Variants in FARS2 observed in about 807,000 individuals in gnomAD.
The protein encoded by FARS2 is phenylalanyl-tRNA synthetase 2, mitochondrial, also known as phenylalanine--tRNA ligase, mitochondrial.
FARS2 carries 40 observed loss-of-function variants against 46.4 expected under a neutral mutation model. That is an observed-to-expected ratio of 0.86 (90% CI 0.67 to 1.12). The LOEUF (loss-of-function observed/expected upper bound fraction) is 1.12. Ranked by LOEUF, FARS2 falls within the 50% of genes most tolerant of loss-of-function variation. The pLI is 0.00. For missense variants in FARS2, 513 were observed against 567.9 expected, an observed-to-expected ratio of 0.90 and a Z score of 0.98; for synonymous variants, 234 against 214.9, an observed-to-expected ratio of 1.09 and a Z score of -0.78.
chr6:5,620,024 A>C (rs1266308571), intron 6 of FARS2, among the ~76,000 whole-genome samples: 1 of 151,974 alleles, frequency 6.6e-6, no homozygotes, highest in African/African-American at 2.4e-5. Context: ...CGGCCCTTAC[A>C]TAGAGAAGTT....
intron 6 of FARS2, among the ~76,000 whole-genome samples, chr6:5,654,699 T>C (rs1252667639): frequency 6.6e-6 from 1 of 152,036 alleles, no homozygotes; most frequent in Non-Finnish European, 1.5e-5. Flanking sequence ...GGTGGGAGGT[T>C]TCAGTATCTA....
At chr6:5,481,282 A>T (rs1482667818) in intron 4 of FARS2, among the ~76,000 whole-genome samples, 2 of 152,206 alleles carry the variant, frequency 1.3e-5, no homozygotes, top group African/African-American at 2.4e-5. Flanking sequence ...ACGTGTTAAT[A>T]GGCAGGGAAG....
chr6:5,464,991 C>T (rs1317062598), intron 4 of FARS2, among the ~76,000 whole-genome samples: 1 of 152,148 alleles, frequency 6.6e-6, no homozygotes, highest in East Asian at 1.9e-4. Context: ...AAGGAAGACC[C>T]TCTAGCTGGT....
At chr6:5,537,466 C>CCCGGGCCTCCTCTAGAGT (rs1554106448) in intron 4 of FARS2, among the ~76,000 whole-genome samples, 1 of 120,866 alleles carries the variant, frequency 8.3e-6, no homozygotes. Flanking sequence ...TCCTCTCGAG[C>CCCGGGCCTCCTCTAGAGT]TGGAGATGTC....
chr6:5,513,524 G>A lies in FARS2; in HGVS notation c.905-31656G>A, dbSNP rs942713878. 1.3e-5 allele frequency among the ~76,000 whole-genome samples: 2 copies of A among 152,194 alleles called. 1 individual carries two copies. The highest frequency in any genetic ancestry group is 2.9e-5 in the Non-Finnish European group (2 of 68,038). On this transcript the variant is annotated intron_variant, in intron 4 of 6. Transcript: ENST00000274680. ...GCAATCAGGGAAAATAGAGAAGTTT[G>A]CACTCTTTGTGTTCGAGTCTCAAAT...
At chr6:5,749,281 G>A (rs533257699) in intron 6 of FARS2, among the ~76,000 whole-genome samples, 2 of 152,352 alleles carry the variant, frequency 1.3e-5, no homozygotes, top group South Asian at 4.1e-4. Context: ...GTGAGGAAGT[G>A]GCTGGGGACA....
rs1397626881 is a variant in FARS2 at position 5,341,219 on chromosome 6, ATATATATATATATATATTTTTTT to A, written c.-21-27329_-21-27307del. Among the ~76,000 whole-genome samples, 8 of 4,994 alleles carry A rather than the reference ATATATATATATATATATTTTTTT, an allele frequency of 1.6e-3. 1 individual carries two copies. Among genetic ancestry groups the A allele is most frequent in the Middle Eastern group, 0.062 (1 of 16 alleles). The allele number at this position is 4,994 out of a possible 152,430, so 3.3% of individuals were successfully genotyped here. A position where few individuals can be genotyped will look rare whatever the true frequency, so the allele number is the denominator to read the frequency against. On this transcript the variant is annotated intron_variant, in intron 1 of 6. Transcript: ENST00000274680. ...TATATATATATATATATATATATAT[ATATATATATATATATATTTTTTT>A]TTTTTTTTTTTTTTTCCCTGTGAGA...
rs577171860 is a variant in FARS2, at chr6:5,412,112, T to G, written c.772+7411T>G. Among the ~76,000 whole-genome samples the G allele has an allele frequency of 3.9e-5, 6 of 152,272 alleles. No homozygotes were observed. In the South Asian group the frequency reaches 1.0e-3, roughly 26 times the overall value. On this transcript the variant is annotated intron_variant, in intron 3 of 6. Coordinates refer to ENST00000274680, the MANE Select transcript of FARS2 (RefSeq NM_006567.5). ...GGAGTCATGTCTTGTCTTTGCTTGT[T>G]AAAAGACCTGTGGTGGTCATTGAAA...
intron 4 of FARS2, among the ~76,000 whole-genome samples, chr6:5,502,160 G>C (rs1203820541): frequency 6.6e-6 from 1 of 152,242 alleles, no homozygotes; most frequent in Non-Finnish European, 1.5e-5. Context: ...CTCTCAGCCA[G>C]CTGTGCCGTG....
chr6:5,365,317 CTTTTTTTTTTTTT>C (rs61097603), intron 1 of FARS2, among the ~76,000 whole-genome samples: 14 of 42,492 alleles, frequency 3.3e-4, no homozygotes, highest in African/African-American at 5.0e-4. Context: ...AGTATACTTT[CTTTTTTTTTTTTT>C]TTTTTTTTTT....
intron 6 of FARS2, among the ~76,000 whole-genome samples, chr6:5,617,018 A>G (rs1306819025): frequency 3.9e-5 from 6 of 152,200 alleles, no homozygotes; most frequent in East Asian, 1.9e-4. Context: ...GTTCAAGGGG[A>G]ATGCTGAATG....
At chr6:5,713,023 TAC>T in intron 6 of FARS2, among the ~76,000 whole-genome samples, 1 of 152,374 alleles carries the variant, frequency 6.6e-6, no homozygotes, top group South Asian at 2.1e-4. Flanking sequence ...TGTTACAATG[TAC>T]AGTGTGTGCC....
rs147936211 is a variant in FARS2, at chr6:5,430,113, A to T, written c.773-928A>T. On this transcript the variant is annotated intron_variant, in intron 3 of 6. Transcript: ENST00000274680. ...TTTAAATTCACAAGAGGGCATGTTC[A>T]TATTACCATGGAGAATCGAGTCCTT... 5.9e-5 allele frequency among the ~76,000 whole-genome samples: 9 copies of T among 152,310 alleles called. No homozygotes were observed. In the Middle Eastern group the frequency reaches 0.014, roughly 230 times the overall value.
At chr6:5,746,550 T>C (rs973709889) in intron 6 of FARS2, among the ~76,000 whole-genome samples, 2 of 150,000 alleles carry the variant, frequency 1.3e-5, no homozygotes, top group Non-Finnish European at 2.9e-5. Context: ...AGCATCTCCT[T>C]GGGCCGAGGG....
At chr6:5,677,282 G>T (rs368010614) in intron 6 of FARS2, among the ~76,000 whole-genome samples, 1 of 152,192 alleles carries the variant, frequency 6.6e-6, no homozygotes, top group Non-Finnish European at 1.5e-5. Context: ...AAGAGGAACC[G>T]TAAAGTAGGT....
At chr6:5,279,808 T>C (rs887224102) in intron 1 of FARS2, among the ~76,000 whole-genome samples, 1 of 152,156 alleles carries the variant, frequency 6.6e-6, no homozygotes, top group African/African-American at 2.4e-5. Context: ...CAGCCATTTT[T>C]CTATTCAGGA....
chr6:5,272,710 A>G (rs1477131136), intron 1 of FARS2, among the ~76,000 whole-genome samples: 1 of 152,146 alleles, frequency 6.6e-6, no homozygotes, highest in Non-Finnish European at 1.5e-5. Flanking sequence ...GCGATAGATT[A>G]TTATAATCTA....
chr6:5,476,223 A>C (rs887945729), intron 4 of FARS2, among the ~76,000 whole-genome samples: 3 of 152,206 alleles, frequency 2.0e-5, no homozygotes, highest in Admixed American at 6.5e-5. Flanking sequence ...TGGATGGAAC[A>C]TGCCCACACC....
chr6:5,413,243 G>A (rs1762038543), intron 3 of FARS2, among the ~76,000 whole-genome samples: 1 of 152,144 alleles, frequency 6.6e-6, no homozygotes, highest in Admixed American at 6.5e-5. Flanking sequence ...ATGGCAGTTG[G>A]GCAGAGGATA....
Sources: gnomAD v4.1 joint callset for allele counts (sites outside exome capture counted in the v4.1 genomes callset) on GRCh38, gnomAD v4.1.1 for gene constraint, MANE v1.5 for transcripts, NCBI Gene and HGNC (gene_info 2026-07-23, HGNC 2026-07-21) for gene names.